ISM1: variants seen among roughly 807,000 people sequenced by gnomAD.
The protein encoded by ISM1 is isthmin 1, also known as isthmin-1.
ISM1 carries 25 observed loss-of-function variants against 46.3 expected under a neutral mutation model. That is an observed-to-expected ratio of 0.54 (90% CI 0.39 to 0.75). The LOEUF is 0.75. Among genes scored for constraint, ISM1 ranks in the 30% least tolerant of loss-of-function variants. The probability of loss-of-function intolerance (pLI) is 0.00; values close to 1 mark genes in which losing one functional copy is unlikely to be tolerated. For synonymous variants in ISM1, 255 were observed against 256.7 expected (o/e 0.99, Z 0.06); for missense variants, 536 against 625.4 (o/e 0.86, Z 1.52).
At chr20:13,277,282 T>G (rs2040189899) in intron 2 of ISM1, among the ~76,000 whole-genome samples, 1 of 152,194 alleles carries the variant, frequency 6.6e-6, no homozygotes, top group Admixed American at 6.5e-5. Flanking sequence ...CCAAAAGTGT[T>G]GGGCACATTC....
the ISM1 span, among the ~76,000 whole-genome samples, chr20:13,317,300 G>C: frequency 1.4e-3 from 172 of 119,176 alleles, 1 homozygote; most frequent in African/African-American, 4.0e-3. Flanking sequence ...AGAAATCAAA[G>C]AAGTAAATAA....
At chr20:13,256,645 G>C (rs2039932978) in intron 1 of ISM1, among the ~76,000 whole-genome samples, 2 of 152,174 alleles carry the variant, frequency 1.3e-5, no homozygotes, top group African/African-American at 4.8e-5. Context: ...GGCAATGGTG[G>C]TGTTGGTCCT....
At chr20:13,304,678 G>T (rs776658815), downstream of ISM1, among the ~76,000 whole-genome samples, 6 of 152,100 alleles carry the variant, frequency 3.9e-5, no homozygotes, top group Non-Finnish European at 5.9e-5. Flanking sequence ...TGGTGATCTT[G>T]GGGGAATCAG....
At chr20:13,322,065 CAG>C in the ISM1 span, among the ~76,000 whole-genome samples, 8 of 152,158 alleles carry the variant, frequency 5.3e-5, no homozygotes, top group Non-Finnish European at 8.8e-5. Context: ...GTGATTGGCA[CAG>C]AGTGTTCAAT....
intron 4 of ISM1, among the ~76,000 whole-genome samples, chr20:13,291,956 C>A (rs1034346214): frequency 1.3e-5 from 2 of 152,204 alleles, no homozygotes; most frequent in Non-Finnish European, 2.9e-5. Context: ...CAAAAGTTCA[C>A]TGGCTACCCC....
At chr20:13,301,829 G>A (rs2040460872), downstream of ISM1, among the ~76,000 whole-genome samples, 1 of 152,086 alleles carries the variant, frequency 6.6e-6, no homozygotes, top group Admixed American at 6.5e-5. Context: ...GATCAGGAGA[G>A]ACAAAAATGT....
the ISM1 span, among the ~76,000 whole-genome samples, chr20:13,310,473 T>A: frequency 6.8e-6 from 1 of 148,076 alleles, no homozygotes; most frequent in Non-Finnish European, 1.5e-5. Flanking sequence ...GTAAAACAAC[T>A]GGAAGGAAAC....
Position 13,221,676 on chromosome 20 carries a change from C to A in ISM1, c.-101C>A. 9.5e-7 allele frequency: 1 copy of A among 1,055,758 alleles called. No individual in the cohort carries two copies. Among genetic ancestry groups the A allele is most frequent in the Non-Finnish European group, 1.2e-6 (1 of 835,006 alleles). 65.4% of individuals were successfully genotyped at this position (1,055,758 alleles called of 1,614,324 possible). ...GCCCTGGCGGGAGCCGAGGCGGGAG[C>A]CGCGCTGCCGGGCTCCCGGGCTCCT... On this transcript the variant is annotated 5_prime_UTR_variant, in exon 1 of 6. Transcript: ENST00000262487.
chr20:13,272,728 C>T (rs917640638), intron 2 of ISM1, among the ~76,000 whole-genome samples: 5 of 152,166 alleles, frequency 3.3e-5, no homozygotes, highest in African/African-American at 1.2e-4. Context: ...GGACTGGCCA[C>T]GTGGTGTGAT....
At chr20:13,325,788 C>T in the ISM1 span, among the ~76,000 whole-genome samples, 1 of 152,164 alleles carries the variant, frequency 6.6e-6, no homozygotes. Flanking sequence ...AGAACTGACT[C>T]TTAACAGAAA....
the ISM1 span, among the ~76,000 whole-genome samples, chr20:13,324,919 C>CA: frequency 6.6e-6 from 1 of 152,204 alleles, no homozygotes; most frequent in Non-Finnish European, 1.5e-5. Context: ...AAGAAAAATA[C>CA]AAGGATCCCT....
In ISM1 at chr20:13,231,597, C is replaced by A. The variant is rs186534549; in HGVS notation, c.138+9683C>A. Among the ~76,000 whole-genome samples, 8 of 152,314 alleles carry A rather than the reference C, an allele frequency of 5.3e-5. No homozygotes were observed. In the East Asian group the frequency reaches 1.5e-3, roughly 29 times the overall value. ...GTCCCTGGAAAGTTATTTTTGTAAA[C>A]CGAGTAGAAGTAAAAACAGTAGGTT... On this transcript the variant is annotated intron_variant, in intron 1 of 5. Coordinates refer to ENST00000262487, the MANE Select transcript of ISM1 (RefSeq NM_080826.2).
the ISM1 span, among the ~76,000 whole-genome samples, chr20:13,323,447 G>A: frequency 6.6e-6 from 1 of 152,148 alleles, no homozygotes; most frequent in Non-Finnish European, 1.5e-5. Context: ...TTACCAAAGA[G>A]AAAGAACTCA....
intron 4 of ISM1, among the ~76,000 whole-genome samples, chr20:13,290,663 A>C (rs572113215): frequency 6.6e-6 from 1 of 152,296 alleles, no homozygotes; most frequent in African/African-American, 2.4e-5. Context: ...GTCTCAAAAC[A>C]AAAAAAGAAA....
chr20:13,309,552 A>G, the ISM1 span, among the ~76,000 whole-genome samples: 5 of 152,078 alleles, frequency 3.3e-5, no homozygotes, highest in African/African-American at 1.2e-4. Context: ...AAGCATGCTC[A>G]CTCTTACTGC....
intron 3 of ISM1, among the ~76,000 whole-genome samples, chr20:13,288,198 T>C (rs78281918): frequency 0.017 from 2,517 of 152,348 alleles, 74 homozygotes; most frequent in African/African-American, 0.057. Context: ...AATGAGAGGC[T>C]ATAAGCACAG....
At chr20:13,239,181 T>C (rs1351720690) in intron 1 of ISM1, 1 of 152,156 alleles carries the variant, frequency 6.6e-6, no homozygotes, top group Non-Finnish European at 1.5e-5. Context: ...TAAATAGAAA[T>C]AATGAAAGGC....
At chr20:13,241,909 TA>T (rs948264260) in intron 1 of ISM1, among the ~76,000 whole-genome samples, 4 of 151,738 alleles carry the variant, frequency 2.6e-5, no homozygotes, top group Admixed American at 6.6e-5. Context: ...CAGTCAAATA[TA>T]TAAGGAGAAG....
chr20:13,221,726 C>A lies in ISM1; in HGVS notation c.-51C>A. ...TACTCCTCCTCCCCCGGCGTCACCG[C>A]CGCCGCCGCCGGCCGCCGCGCCGGG... On this transcript the variant is annotated 5_prime_UTR_variant, in exon 1 of 6. Transcript: ENST00000262487. 1.5e-6 allele frequency: 2 copies of A among 1,336,646 alleles called. No homozygotes were observed. Among genetic ancestry groups the A allele is most frequent in the Non-Finnish European group, 1.9e-6 (2 of 1,046,828 alleles). The allele number at this position is 1,336,646 out of a possible 1,614,324, so 82.8% of individuals were successfully genotyped here.
Sources: gnomAD v4.1 joint callset for allele counts (sites outside exome capture counted in the v4.1 genomes callset) on GRCh38, gnomAD v4.1.1 for gene constraint, MANE v1.5 for transcripts, NCBI Gene and HGNC (gene_info 2026-07-23, HGNC 2026-07-21) for gene names.